Variants in XRCC5 observed in about 807,000 individuals in gnomAD.
XRCC5 encodes the protein DNA repair protein Ku80.
Under a neutral mutation model 95.7 loss-of-function variants are expected in XRCC5, and 12 were observed. The observed-to-expected ratio is 0.13, with a 90% CI of 0.08 to 0.20. The LOEUF (loss-of-function observed/expected upper bound fraction) is 0.20. XRCC5 is among the 10% of genes least tolerant of loss of function. The pLI, the probability that XRCC5 is intolerant of heterozygous loss-of-function variation, is 1.00. For missense variants in XRCC5, 595 were observed against 873.9 expected (o/e 0.68, Z 4.02); for synonymous variants, 281 against 290.3 (o/e 0.97, Z 0.33).
chr2:216,187,815 ACACACACTCTCTCT>A (rs1223718480), intron 16 of XRCC5, among the ~76,000 whole-genome samples: 146 of 90,336 alleles, frequency 1.6e-3, no homozygotes, highest in East Asian at 0.014. Context: ...ACACACACAC[ACACACACTCTCTCT>A]CTCTCTCTCT....
At chr2:216,114,621 G>C (rs1323944167) in intron 2 of XRCC5, among the ~76,000 whole-genome samples, 3 of 152,092 alleles carry the variant, frequency 2.0e-5, no homozygotes. Context: ...AAAGCTGTCA[G>C]GTTATCATCG....
Position 216,138,151 on chromosome 2 carries a change from G to T in XRCC5, c.1314G>T (p.Leu438Phe). The change falls in exon 12 of 21, where the codon TTG (leucine) becomes TTT (phenylalanine). Residue 438 changes from leucine (L) to phenylalanine (F), a missense_variant. Around this residue, in one of 2 missense-constraint regions of XRCC5, gnomAD observed 309 missense variants for 382.9 expected, o/e 0.81. Transcript: ENST00000392132. ...EDLRQYMFSS[L>F]KNSKKYAPTE... ...TGCGGCAATACATGTTTTCATCCTT[G>T]AAAAACAGTAAGAAATATGCTCCCA... is the stretch of plus-strand genomic sequence containing the variant. 2 of 1,613,148 alleles carry T rather than the reference G, an allele frequency of 1.2e-6. No individual in the cohort carries two copies. The highest frequency in any genetic ancestry group is 1.7e-6 in the Non-Finnish European group (2 of 1,179,900).
chr2:216,141,453 A>ATGTT, intron 13 of XRCC5, 134 bp downstream of exon 13: 3 of 748,468 alleles, frequency 4.0e-6, no homozygotes, highest in Non-Finnish European at 4.0e-6. Flanking sequence ...TTAATGGAAG[A>ATGTT]ATAACATCTT....
intron 16 of XRCC5, among the ~76,000 whole-genome samples, chr2:216,187,625 A>C (rs561176835): frequency 6.6e-6 from 1 of 151,530 alleles, no homozygotes; most frequent in African/African-American, 2.4e-5. Flanking sequence ...TAGTTGTTTC[A>C]TGGGCTCCCA....
intron 13 of XRCC5, among the ~76,000 whole-genome samples, chr2:216,145,059 A>G (rs1470914194): frequency 1.3e-5 from 2 of 152,200 alleles, no homozygotes; most frequent in Non-Finnish European, 2.9e-5. Context: ...TGAGCTTAGC[A>G]AAGGGTCTTT....
chr2:216,181,922 G>A (rs1222167747), intron 16 of XRCC5, among the ~76,000 whole-genome samples: 3 of 151,996 alleles, frequency 2.0e-5, no homozygotes, highest in Non-Finnish European at 2.9e-5. Context: ...GATAGAGGGG[G>A]GAAAATGAAA....
chr2:216,205,296 C>CA lies in XRCC5; in HGVS notation c.*98dup. The CA allele has an allele frequency of 1.3e-6, 2 of 1,510,602 alleles. No homozygotes were observed. The highest frequency in any genetic ancestry group is 1.4e-5 in the African/African-American group (1 of 72,804). The allele number at this position is 1,510,602 out of a possible 1,614,324, so 93.6% of individuals were successfully genotyped here. ...TTGGATGCGGCCATTCAAGGGGAGC[C>CA]AAAATCTCAAGAAATTCCCAGCAGG... On this transcript the variant is annotated 3_prime_UTR_variant, in exon 21 of 21. Transcript: ENST00000392132.
intron 16 of XRCC5, among the ~76,000 whole-genome samples, chr2:216,180,396 C>T (rs1020624144): frequency 2.6e-5 from 4 of 152,136 alleles, no homozygotes; most frequent in African/African-American, 9.7e-5. Flanking sequence ...GAGGCCAAGG[C>T]GGGTGGATCA....
Position 216,202,895 on chromosome 2 carries a change from A to G in XRCC5, c.2110-1427A>G, listed in dbSNP as rs553787682. ...GTGTGTGTTTTTGTATATGAGGACT[A>G]GAAGAACAGGCAGAGCTTTCTTGCT... On this transcript the variant is annotated intron_variant, in intron 19 of 20. Transcript: ENST00000392132. Among the ~76,000 whole-genome samples the G allele has an allele frequency of 7.9e-5, 12 of 152,350 alleles. No homozygotes were observed. The East Asian group carries it at 2.3e-3, about 29-fold the overall frequency.
chr2:216,119,230 T>C, intron 5 of XRCC5, 65 bp downstream of exon 5: 1 of 1,565,152 alleles, frequency 6.4e-7, no homozygotes. Context: ...GAATGGGCCC[T>C]CTGTATAGAG....
intron 5 of XRCC5, among the ~76,000 whole-genome samples, chr2:216,120,111 G>C (rs940423392): frequency 6.6e-5 from 10 of 152,108 alleles, no homozygotes; most frequent in Admixed American, 5.9e-4. Context: ...CTTTCTGTAC[G>C]ACTGTGGAAA....
At chr2:216,116,394 C>T (rs1696697141) in intron 2 of XRCC5, among the ~76,000 whole-genome samples, 1 of 152,112 alleles carries the variant, frequency 6.6e-6, no homozygotes, top group South Asian at 2.1e-4. Context: ...CGCTGGAAAT[C>T]ATCAAGAACA....
chr2:216,161,319 C>T (rs1688947288), intron 15 of XRCC5, among the ~76,000 whole-genome samples: 1 of 152,052 alleles, frequency 6.6e-6, no homozygotes, highest in African/African-American at 2.4e-5. Flanking sequence ...GTTCTTAGGC[C>T]CTGTGAGGGT....
chr2:216,193,910 T>G (rs953060996), intron 18 of XRCC5, among the ~76,000 whole-genome samples: 1 of 152,224 alleles, frequency 6.6e-6, no homozygotes, highest in Non-Finnish European at 1.5e-5. Context: ...GAGTAGATTT[T>G]CTACCCTTGA....
At chr2:216,121,141 T>G (rs577640452) in intron 5 of XRCC5, among the ~76,000 whole-genome samples, 3 of 152,230 alleles carry the variant, frequency 2.0e-5, no homozygotes, top group Non-Finnish European at 4.4e-5. Context: ...TTCCTTTCTC[T>G]TCACTTTTAC....
chr2:216,138,433 T>A (rs1354312903), intron 12 of XRCC5, among the ~76,000 whole-genome samples: 1 of 152,222 alleles, frequency 6.6e-6, no homozygotes, highest in Non-Finnish European at 1.5e-5. Context: ...GAAAGCTTGA[T>A]GGTAATGGAT....
At position 216,109,408 on chromosome 2, in the gene XRCC5, A is replaced by G. The variant is rs753502761; in HGVS notation, c.-29A>G. The G allele has an allele frequency of 3.2e-5, 51 of 1,613,734 alleles. 1 individual carries two copies. The South Asian group carries it at 5.5e-4, about 17-fold the overall frequency. On this transcript the variant is annotated 5_prime_UTR_variant, in exon 1 of 21. Coordinates refer to ENST00000392132, the MANE Select transcript of XRCC5 (RefSeq NM_021141.4). ...ACACGGCAGGTTCCCGCCCGGAAGA[A>G]GCGACCAAAGCGCCTGAGGACCGGC...
At chr2:216,181,686 A>G (rs1689391129) in intron 16 of XRCC5, among the ~76,000 whole-genome samples, 1 of 152,220 alleles carries the variant, frequency 6.6e-6, no homozygotes, top group South Asian at 2.1e-4. Context: ...ACCATCAGTG[A>G]GACAAAATGA....
At chr2:216,137,859 C>T (rs1697112100) in intron 11 of XRCC5, among the ~76,000 whole-genome samples, 1 of 152,160 alleles carries the variant, frequency 6.6e-6, no homozygotes, top group Non-Finnish European at 1.5e-5. Context: ...TGATAGCAGT[C>T]CTTTAGTATT....
Sources: gnomAD v4.1 joint callset for allele counts (sites outside exome capture counted in the v4.1 genomes callset) on GRCh38, gnomAD v4.1.1 for gene constraint, gnomAD v4.1.1 regional missense constraint, MANE v1.5 for transcripts, NCBI Gene and HGNC (gene_info 2026-07-23, HGNC 2026-07-21) for gene names.